Variants in PGPEP1L observed in about 807,000 individuals in gnomAD.
PGPEP1L encodes the protein pyroglutamyl-peptidase I like, also known as pyroglutamyl-peptidase 1-like protein.
In PGPEP1L, 7 loss-of-function variants were observed where a neutral mutation model predicts 6.0. The observed-to-expected ratio is 1.17, with a 90% confidence interval of 0.66 to 2.19. The LOEUF (loss-of-function observed/expected upper bound fraction) is 2.19. Among genes scored for constraint, PGPEP1L ranks in the 30% most tolerant of loss-of-function variants. PGPEP1L has a pLI of 0.00. For missense variants in PGPEP1L, 209 were observed against 192.5 expected, an observed-to-expected ratio of 1.09 and a Z score of -0.51; for synonymous variants, 103 against 83.9, an observed-to-expected ratio of 1.23 and a Z score of -1.24.
At chr15:98,989,202 G>A (rs932325789) in intron 2 of PGPEP1L, among the ~76,000 whole-genome samples, 3 of 152,192 alleles carry the variant, frequency 2.0e-5, no homozygotes, top group African/African-American at 7.2e-5. Flanking sequence ...AAAGAAGCAT[G>A]TTCTAACCCA....
chr15:99,003,412 T>A (rs1387452261), intron 2 of PGPEP1L, among the ~76,000 whole-genome samples: 2 of 150,606 alleles, frequency 1.3e-5, no homozygotes, highest in Non-Finnish European at 2.9e-5. Flanking sequence ...AACCTCACTT[T>A]AAACTTGGTC....
intron 2 of PGPEP1L, among the ~76,000 whole-genome samples, chr15:98,995,816 T>C (rs1181442197): frequency 2.0e-5 from 3 of 152,186 alleles, no homozygotes; most frequent in African/African-American, 7.2e-5. Flanking sequence ...TCACTCCCCA[T>C]TTCCCCCACC....
intron 1 of PGPEP1L, among the ~76,000 whole-genome samples, chr15:99,006,284 G>T (rs564393406): frequency 6.6e-6 from 1 of 152,314 alleles, no homozygotes; most frequent in South Asian, 2.1e-4. Context: ...TAGCGTCTGT[G>T]CAAGCTTGCT....
intron 2 of PGPEP1L, among the ~76,000 whole-genome samples, chr15:98,975,182 G>A (rs961444967): frequency 6.6e-6 from 1 of 152,200 alleles, no homozygotes; most frequent in Non-Finnish European, 1.5e-5. Context: ...AACATGGATA[G>A]AACTGGAGGT....
chr15:98,993,761 G>A (rs1253025222), intron 2 of PGPEP1L, among the ~76,000 whole-genome samples: 9 of 151,726 alleles, frequency 5.9e-5, no homozygotes, highest in South Asian at 4.2e-4. Flanking sequence ...ACCATGGCAC[G>A]TGTATACCTA....
Position 99,005,675 on chromosome 15 carries a change from G to T in PGPEP1L, c.-369-19C>A, listed in dbSNP as rs76978834. 6.6e-6 allele frequency: 1 copy of T among 152,252 alleles called. No homozygotes were observed. The highest frequency in any genetic ancestry group is 1.9e-4 in the East Asian group (1 of 5,184). The allele number at this position is 152,252 out of a possible 1,614,324, so 9.4% of individuals were successfully genotyped here. A position where few individuals can be genotyped will look rare whatever the true frequency, so the allele number is the denominator to read the frequency against. On this transcript the variant is annotated intron_variant, in intron 1 of 4. Coordinates refer to ENST00000535714, the MANE Select transcript of PGPEP1L (RefSeq NM_001167902.2). Reference sequence around the variant, plus strand: ...CAAGGATCTAGGGGAGGGTGATAAAGCAATGCCCCTTGAAAGCAGAACGAT... The same window carrying T: ...CAAGGATCTAGGGGAGGGTGATAAATCAATGCCCCTTGAAAGCAGAACGAT...
intron 2 of PGPEP1L, among the ~76,000 whole-genome samples, chr15:98,975,742 A>T (rs186077601): frequency 6.6e-6 from 1 of 152,228 alleles, no homozygotes; most frequent in East Asian, 1.9e-4. Context: ...TTAGCCAGGC[A>T]TGGTGGTGCA....
chr15:99,004,914 T>C (rs2018027299), intron 2 of PGPEP1L, among the ~76,000 whole-genome samples: 1 of 151,326 alleles, frequency 6.6e-6, no homozygotes, highest in South Asian at 2.1e-4. Flanking sequence ...CGGGGGGTGC[T>C]TCACAGCTCC....
intron 2 of PGPEP1L, 110 bp downstream of exon 2, chr15:99,005,319 C>T (rs1288280142): frequency 6.6e-6 from 1 of 152,274 alleles, no homozygotes; most frequent in African/African-American, 2.4e-5. Context: ...AGTTGCCATT[C>T]TTTTTTTCCC....
intron 2 of PGPEP1L, among the ~76,000 whole-genome samples, chr15:98,999,002 G>A (rs993662002): frequency 6.6e-6 from 1 of 152,098 alleles, no homozygotes; most frequent in Non-Finnish European, 1.5e-5. Context: ...TAAGTTTTTT[G>A]GGGGGAAGGA....
chr15:98,975,530 A>G (rs2017555784), intron 2 of PGPEP1L, among the ~76,000 whole-genome samples: 1 of 152,224 alleles, frequency 6.6e-6, no homozygotes, highest in Non-Finnish European at 1.5e-5. Context: ...AATTACCCTG[A>G]TTTAATCATC....
Position 98,969,498 on chromosome 15 carries a change from C to T in PGPEP1L, c.136G>A (p.Val46Ile). The change falls in exon 4 of 5, where the codon GTC becomes ATC. Residue 46 changes from valine to isoleucine, a missense_variant. Transcript: ENST00000535714. ...CGCTTGCAGACTGCCTTCATGCAGA[C>T]CCCTGACTCCAGCACGTCTGGGCTG... is the stretch of plus-strand genomic sequence containing the variant. The part of the protein sequence containing the change: ...PGSPDVLESG[V>I]CMKAVCKRVA... 1.2e-6 allele frequency: 2 copies of T among 1,614,078 alleles called. No homozygotes were observed. The highest frequency in any genetic ancestry group is 8.5e-7 in the Non-Finnish European group (1 of 1,179,914).
intron 2 of PGPEP1L, among the ~76,000 whole-genome samples, chr15:98,979,005 G>C (rs1395558344): frequency 1.3e-5 from 2 of 149,608 alleles, no homozygotes; most frequent in Non-Finnish European, 3.0e-5. Flanking sequence ...CGGGATTACA[G>C]GTGTGAGCCG....
intron 2 of PGPEP1L, among the ~76,000 whole-genome samples, chr15:98,986,331 A>T (rs1160168013): frequency 6.6e-6 from 1 of 152,232 alleles, no homozygotes; most frequent in Non-Finnish European, 1.5e-5. Flanking sequence ...GATCTTCAAA[A>T]AGGGGAGGTG....
chr15:99,001,532 C>T (rs1374464992), intron 2 of PGPEP1L, among the ~76,000 whole-genome samples: 6 of 152,116 alleles, frequency 3.9e-5, no homozygotes, highest in Admixed American at 3.3e-4. Flanking sequence ...CTGAATGTTA[C>T]TCGCTTTAAA....
rs770218361 is a variant in PGPEP1L, at chr15:98,968,619, T to C, written c.288A>G (p.Leu96=). Residue 96 remains leucine, a synonymous_variant, in exon 5 of 5, where the codon CTA becomes CTG. Coordinates refer to ENST00000535714, the MANE Select transcript of PGPEP1L (RefSeq NM_001167902.2). ...GCAGGCTGGCCGGGAGCCCGCGCGA[T>C]AGTGGAGGGACATGGATGAGTGCCG... ...GCAALIHVPP[L]SRGLPASLLG... is the part of the protein sequence containing the mutation. 44 of 1,605,112 alleles carry C rather than the reference T, an allele frequency of 2.7e-5. No individual in the cohort carries two copies. The Middle Eastern group carries it at 6.6e-4, about 24-fold the overall frequency.
At chr15:98,997,323 A>G (rs1555472591) in intron 2 of PGPEP1L, among the ~76,000 whole-genome samples, 1 of 152,216 alleles carries the variant, frequency 6.6e-6, no homozygotes, top group African/African-American at 2.4e-5. Flanking sequence ...ACAGCCTAGA[A>G]AACCGATGCT....
chr15:99,004,416 A>T (rs1324565049), intron 2 of PGPEP1L, among the ~76,000 whole-genome samples: 2 of 149,736 alleles, frequency 1.3e-5, no homozygotes, highest in Admixed American at 1.3e-4. Flanking sequence ...CAGAAAAATT[A>T]AAAATATAAA....
intron 2 of PGPEP1L, among the ~76,000 whole-genome samples, chr15:98,986,194 G>A (rs919187430): frequency 1.3e-5 from 2 of 152,182 alleles, no homozygotes; most frequent in East Asian, 1.9e-4. Flanking sequence ...TTAGAATTTT[G>A]TAAGTGATAG....
Sources: gnomAD v4.1 joint callset for allele counts (sites outside exome capture counted in the v4.1 genomes callset) on GRCh38, gnomAD v4.1.1 for gene constraint, MANE v1.5 for transcripts, NCBI Gene and HGNC (gene_info 2026-07-23, HGNC 2026-07-21) for gene names.